The following ADGRL2 variants were observed in gnomAD, a reference collection of about 807,000 sequenced individuals.
ADGRL2 encodes calcium-independent alpha-latrotoxin receptor 2.
In ADGRL2, 44 loss-of-function variants were observed where a neutral mutation model predicts 157.4. That is an observed-to-expected ratio of 0.28 (90% CI 0.22 to 0.36). The LOEUF is 0.36. ADGRL2 is among the 10% of genes least tolerant of loss of function. The pLI is 1.00. For synonymous variants in ADGRL2, 585 were observed against 624.7 expected (o/e 0.94, Z 0.95); for missense variants, 1,510 against 1,768.9 (o/e 0.85, Z 2.63).
intron 2 of ADGRL2, among the ~76,000 whole-genome samples, chr1:81,873,920 T>C (rs1396709843): frequency 6.6e-6 from 1 of 152,128 alleles, no homozygotes; most frequent in Non-Finnish European, 1.5e-5. Context: ...ATGAAAAATG[T>C]ACAAAGGTCT....
chr1:81,598,472 C>T (rs2081278713), intron 3 of ADGRL2, among the ~76,000 whole-genome samples: 1 of 152,070 alleles, frequency 6.6e-6, no homozygotes, highest in South Asian at 2.1e-4. Context: ...TTATTCAAAA[C>T]CTGAAGATTT....
chr1:81,982,775 G>A (rs2149458845), intron 19 of ADGRL2, among the ~76,000 whole-genome samples: 1 of 152,046 alleles, frequency 6.6e-6, no homozygotes, highest in East Asian at 1.9e-4. Context: ...TTGAGATAAT[G>A]ACAGTGGAAT....
chr1:81,841,684 C>T lies in ADGRL2; in HGVS notation c.73+4627C>T, dbSNP rs546016388. On this transcript the variant is annotated intron_variant, in intron 2 of 23. Coordinates refer to ENST00000686636, the MANE Select transcript of ADGRL2 (RefSeq NM_001366006.2). Reference sequence around the variant, plus strand: ...GTGTATATATGTGCACGCGCATACACGTGCACACACACACAACATGCAGTA... The same window carrying T: ...GTGTATATATGTGCACGCGCATACATGTGCACACACACACAACATGCAGTA... Among the ~76,000 whole-genome samples, 7 of 152,206 alleles carry T rather than the reference C, an allele frequency of 4.6e-5. No homozygotes were observed. The South Asian group carries it at 1.2e-3, about 27-fold the overall frequency.
At chr1:81,845,806 G>A (rs985823083) in intron 2 of ADGRL2, among the ~76,000 whole-genome samples, 1 of 151,636 alleles carries the variant, frequency 6.6e-6, no homozygotes, top group Admixed American at 6.6e-5. Flanking sequence ...ATAGAAGAGA[G>A]AAATTCGTAG....
At chr1:81,341,718 A>G (rs1662088660) in intron 1 of ADGRL2, among the ~76,000 whole-genome samples, 1 of 151,564 alleles carries the variant, frequency 6.6e-6, no homozygotes, top group South Asian at 2.1e-4. Flanking sequence ...CTATAAAAAC[A>G]TGTTTGTAGA....
At chr1:81,765,224 T>G (rs2149323024) in intron 2 of ADGRL2, among the ~76,000 whole-genome samples, 1 of 152,122 alleles carries the variant, frequency 6.6e-6, no homozygotes, top group South Asian at 2.1e-4. Flanking sequence ...AGGTTTAGAC[T>G]GCCAAATTAC....
intron 2 of ADGRL2, among the ~76,000 whole-genome samples, chr1:81,513,132 C>CT (rs1367567242): frequency 6.6e-6 from 1 of 152,090 alleles, no homozygotes; most frequent in Non-Finnish European, 1.5e-5. Context: ...GCTTATTTCT[C>CT]TTTTTAATGC....
intron 1 of ADGRL2, among the ~76,000 whole-genome samples, chr1:81,360,095 T>C (rs983689614): frequency 1.1e-4 from 17 of 152,028 alleles, no homozygotes; most frequent in African/African-American, 3.6e-4. Flanking sequence ...AACATGGCCT[T>C]CAAGACTGTA....
At chr1:81,360,343 G>A (rs1016508787) in intron 1 of ADGRL2, among the ~76,000 whole-genome samples, 2 of 151,632 alleles carry the variant, frequency 1.3e-5, no homozygotes, top group Non-Finnish European at 3.0e-5. Flanking sequence ...ACTTTTCCCA[G>A]CCACAAAAAT....
chr1:81,850,510 A>C (rs1382045434), intron 2 of ADGRL2, among the ~76,000 whole-genome samples: 3 of 151,940 alleles, frequency 2.0e-5, no homozygotes, highest in African/African-American at 7.2e-5. Context: ...TTTTGACTTC[A>C]AAGTGAGGTT....
chr1:81,945,254 C>G (rs1180826836), intron 6 of ADGRL2, among the ~76,000 whole-genome samples: 1 of 151,770 alleles, frequency 6.6e-6, no homozygotes, highest in Non-Finnish European at 1.5e-5. Context: ...CTTCTTTATC[C>G]TATAGGTTTG....
chr1:81,682,831 G>A (rs528670462), intron 3 of ADGRL2, among the ~76,000 whole-genome samples: 4 of 152,108 alleles, frequency 2.6e-5, no homozygotes, highest in African/African-American at 4.8e-5. Context: ...TAGAATGTTC[G>A]TGAAAAAGGG....
At chr1:81,946,503 T>C (rs1649904640) in intron 6 of ADGRL2, among the ~76,000 whole-genome samples, 1 of 152,020 alleles carries the variant, frequency 6.6e-6, no homozygotes, top group African/African-American at 2.4e-5. Flanking sequence ...TCTTTTCCAT[T>C]TCTTAATCTG....
chr1:81,558,055 A>T (rs1258001891), intron 2 of ADGRL2, among the ~76,000 whole-genome samples: 1 of 152,216 alleles, frequency 6.6e-6, no homozygotes, highest in Non-Finnish European at 1.5e-5. Flanking sequence ...TTCAGCAGGG[A>T]CTGCATCTAT....
intron 1 of ADGRL2, among the ~76,000 whole-genome samples, chr1:81,347,993 C>T (rs975914653): frequency 6.6e-6 from 1 of 152,148 alleles, no homozygotes; most frequent in African/African-American, 2.4e-5. Context: ...AAAAAATCAT[C>T]AGGCATGTCA....
intron 2 of ADGRL2, among the ~76,000 whole-genome samples, chr1:81,508,262 G>A (rs886403053): frequency 6.6e-6 from 1 of 152,170 alleles, no homozygotes; most frequent in African/African-American, 2.4e-5. Flanking sequence ...ATGCATGCAT[G>A]TTCTACCTTC....
intron 1 of ADGRL2, among the ~76,000 whole-genome samples, chr1:81,347,986 A>G (rs1398296352): frequency 6.6e-6 from 1 of 152,206 alleles, no homozygotes; most frequent in Admixed American, 6.5e-5. Context: ...ATGAATCAAA[A>G]AATCATCAGG....
chr1:81,942,738 C>A, intron 5 of ADGRL2: 1 of 566,680 alleles, frequency 1.8e-6, no homozygotes, highest in Admixed American at 2.8e-5. Flanking sequence ...TGATCTTAAA[C>A]TTAGGCTTTT....
chr1:81,962,336 G>A (rs1655694702), intron 11 of ADGRL2, among the ~76,000 whole-genome samples: 1 of 151,700 alleles, frequency 6.6e-6, no homozygotes, highest in Non-Finnish European at 1.5e-5. Context: ...TGAATTTATT[G>A]TTTACAACTT....
Sources: gnomAD v4.1 joint callset for allele counts (sites outside exome capture counted in the v4.1 genomes callset) on GRCh38, gnomAD v4.1.1 for gene constraint, MANE v1.5 for transcripts, NCBI Gene and HGNC (gene_info 2026-07-23, HGNC 2026-07-21) for gene names.